Variants in GALNT13 observed in about 807,000 individuals in gnomAD.
The protein encoded by GALNT13 is UDP-GalNAc:polypeptide N-acetylgalactosaminyltransferase 13.
In GALNT13, 28 loss-of-function variants were observed where a neutral mutation model predicts 64.2. That is an observed-to-expected ratio of 0.44 (90% CI 0.32 to 0.60). The LOEUF (loss-of-function observed/expected upper bound fraction) is 0.60. Among genes scored for constraint, GALNT13 ranks in the 20% least tolerant of loss-of-function variants. The pLI, the probability that GALNT13 is intolerant of heterozygous loss-of-function variation, is 0.05. For synonymous variants in GALNT13, 214 were observed against 224.6 expected (o/e 0.95, Z 0.42); for missense variants, 577 against 669.8 (o/e 0.86, Z 1.53).
intron 11 of GALNT13, among the ~76,000 whole-genome samples, chr2:154,413,543 G>T (rs1212418046): frequency 1.3e-5 from 2 of 151,888 alleles, no homozygotes; most frequent in South Asian, 2.1e-4. Flanking sequence ...CCTCATAATT[G>T]TATCCCCATC....
chr2:154,302,418 C>A (rs904734978), intron 9 of GALNT13, among the ~76,000 whole-genome samples: 1 of 152,164 alleles, frequency 6.6e-6, no homozygotes, highest in African/African-American at 2.4e-5. Context: ...AGGACAACAA[C>A]AAAAATCCAG....
chr2:153,751,971 G>A, the GALNT13 span, among the ~76,000 whole-genome samples: 1 of 150,332 alleles, frequency 6.7e-6, no homozygotes, highest in South Asian at 2.1e-4. Flanking sequence ...TTTCTTTCTT[G>A]CTTCTCATTT....
intron 3 of GALNT13, among the ~76,000 whole-genome samples, chr2:154,052,608 A>C (rs1574415402): frequency 1.3e-5 from 2 of 152,170 alleles, no homozygotes; most frequent in South Asian, 4.1e-4. Flanking sequence ...TTCTTTCTTC[A>C]ACAGTGCTCA....
intron 8 of GALNT13, among the ~76,000 whole-genome samples, chr2:154,277,335 C>T (rs954446868): frequency 2.0e-5 from 3 of 152,010 alleles, no homozygotes; most frequent in Admixed American, 6.6e-5. Flanking sequence ...GAACCTCGCT[C>T]GTCAAAATTA....
At chr2:153,089,579 T>C in the GALNT13 span, among the ~76,000 whole-genome samples, 5 of 152,144 alleles carry the variant, frequency 3.3e-5, no homozygotes, top group Non-Finnish European at 1.5e-5. Context: ...TTCCTCACTT[T>C]CATACTTCTC....
chr2:153,561,558 G>C, the GALNT13 span, among the ~76,000 whole-genome samples: 1 of 151,890 alleles, frequency 6.6e-6, no homozygotes, highest in Non-Finnish European at 1.5e-5. Context: ...CCCACTTGTG[G>C]TGTCACATTG....
chr2:153,685,339 CT>C, the GALNT13 span, among the ~76,000 whole-genome samples: 1 of 152,048 alleles, frequency 6.6e-6, no homozygotes, highest in Middle Eastern at 3.4e-3. Context: ...TATCTTTTGA[CT>C]TTTTAATAAT....
At chr2:154,273,550 TCAA>T (rs1248969815) in intron 8 of GALNT13, among the ~76,000 whole-genome samples, 21 of 152,314 alleles carry the variant, frequency 1.4e-4, no homozygotes, top group Non-Finnish European at 2.5e-4. Context: ...TGTGTTTTGG[TCAA>T]CAACGACACA....
chr2:154,175,752 T>C (rs1685611520), intron 4 of GALNT13, among the ~76,000 whole-genome samples: 1 of 152,160 alleles, frequency 6.6e-6, no homozygotes, highest in South Asian at 2.1e-4. Context: ...ATTATCTCTA[T>C]CTTGAGGTAC....
the GALNT13 span, among the ~76,000 whole-genome samples, chr2:153,424,561 T>G: frequency 6.6e-6 from 1 of 151,802 alleles, no homozygotes; most frequent in East Asian, 1.9e-4. Context: ...AAACTAAAAC[T>G]GCAATAAAGT....
At chr2:153,095,031 G>A in the GALNT13 span, among the ~76,000 whole-genome samples, 1 of 152,084 alleles carries the variant, frequency 6.6e-6, no homozygotes, top group Non-Finnish European at 1.5e-5. Flanking sequence ...AGCCAAAATT[G>A]ACAAATGGGA....
chr2:153,567,383 C>T, the GALNT13 span, among the ~76,000 whole-genome samples: 1 of 152,300 alleles, frequency 6.6e-6, no homozygotes, highest in South Asian at 2.1e-4. Context: ...ACAGTATCTT[C>T]CCAGGTGAGG....
At chr2:153,392,061 T>C in the GALNT13 span, among the ~76,000 whole-genome samples, 1 of 148,514 alleles carries the variant, frequency 6.7e-6, no homozygotes, top group Non-Finnish European at 1.5e-5. Flanking sequence ...ATGTGATTTA[T>C]ATATTTATAT....
At chr2:153,576,310 A>C in the GALNT13 span, among the ~76,000 whole-genome samples, 14 of 152,100 alleles carry the variant, frequency 9.2e-5, no homozygotes, top group Non-Finnish European at 1.9e-4. Context: ...CTGCGGGCCC[A>C]GTTCAACACT....
At chr2:153,287,569 G>A in the GALNT13 span, among the ~76,000 whole-genome samples, 1 of 152,090 alleles carries the variant, frequency 6.6e-6, no homozygotes, top group Non-Finnish European at 1.5e-5. Flanking sequence ...GGCCTTCCCC[G>A]GGGTTTGGGC....
intron 4 of GALNT13, among the ~76,000 whole-genome samples, chr2:154,220,534 A>G (rs1360864173): frequency 2.0e-5 from 3 of 152,120 alleles, no homozygotes; most frequent in Non-Finnish European, 4.4e-5. Context: ...TTAAAAATAC[A>G]TGTGCACATA....
At chr2:153,381,913 G>A in the GALNT13 span, among the ~76,000 whole-genome samples, 4 of 152,168 alleles carry the variant, frequency 2.6e-5, no homozygotes, top group East Asian at 7.8e-4. Flanking sequence ...TACACAAAGG[G>A]CTTTCTAATC....
the GALNT13 span, among the ~76,000 whole-genome samples, chr2:153,426,249 A>G: frequency 2.0e-5 from 3 of 151,904 alleles, no homozygotes; most frequent in East Asian, 5.8e-4. Context: ...GCTCAATTTC[A>G]TAGCTTACTT....
At chr2:153,250,285 C>T in the GALNT13 span, among the ~76,000 whole-genome samples, 1 of 152,198 alleles carries the variant, frequency 6.6e-6, no homozygotes, top group Non-Finnish European at 1.5e-5. Context: ...TGGAAAAAAG[C>T]TCATCATCGC....
Sources: allele counts gnomAD v4.1 joint callset (sites outside exome capture counted in the v4.1 genomes callset), GRCh38; gene constraint gnomAD v4.1.1; transcripts MANE v1.5; gene names NCBI Gene and HGNC (gene_info 2026-07-23, HGNC 2026-07-21).